Variants in TAFA2 observed in about 807,000 individuals in gnomAD.
TAFA2 encodes the protein chemokine-like protein TAFA-2.
In TAFA2, 7 loss-of-function variants were observed where a neutral mutation model predicts 18.8. That is an observed-to-expected ratio of 0.37 (90% confidence interval 0.21 to 0.70). The LOEUF is 0.70. Among genes scored for constraint, TAFA2 ranks in the 30% least tolerant of loss-of-function variants. TAFA2 has a pLI of 0.53. For synonymous variants in TAFA2, 60 were observed against 54.2 expected (o/e 1.11, Z -0.47); for missense variants, 122 against 158.1 (o/e 0.77, Z 1.23).
chr12:62,139,275 G>A (rs1011786339), intron 1 of TAFA2, among the ~76,000 whole-genome samples: 1 of 152,154 alleles, frequency 6.6e-6, no homozygotes, highest in Non-Finnish European at 1.5e-5. Flanking sequence ...CACAAACAGG[G>A]CTTCCAGCAG....
intron 1 of TAFA2, among the ~76,000 whole-genome samples, chr12:62,011,110 G>A (rs4763004): frequency 0.37 from 46,209 of 123,256 alleles, 10,571 homozygotes; most frequent in Non-Finnish European, 0.43. Flanking sequence ...GCCACCCATC[G>A]TCTGGGATGT....
At chr12:61,770,221 C>G (rs980707707) in intron 2 of TAFA2, among the ~76,000 whole-genome samples, 1 of 151,984 alleles carries the variant, frequency 6.6e-6, no homozygotes. Context: ...ATTAATAAAG[C>G]CTCCAAGAAG....
In TAFA2 at chr12:61,783,686, A is replaced by G. The variant is rs969228326; in HGVS notation, c.107-28662T>C. On this transcript the variant is annotated intron_variant, in intron 2 of 4. Transcript: ENST00000416284. The stretch of plus-strand genomic sequence containing the variant: ...AGAAAACCTGCCCTTTATACAGGTG[A>G]GGCAATGGGTAGTTAGTATTTAAAA... Among the ~76,000 whole-genome samples, 3 of 151,724 alleles carry G rather than the reference A, an allele frequency of 2.0e-5. No individual in the cohort carries two copies. The East Asian group carries it at 5.9e-4, about 30-fold the overall frequency.
intron 1 of TAFA2, among the ~76,000 whole-genome samples, chr12:62,062,174 C>T (rs190973952): frequency 2.1e-4 from 32 of 150,212 alleles, no homozygotes; most frequent in African/African-American, 7.8e-4. Flanking sequence ...ACTCTCTCAA[C>T]AAAAAAAAAG....
intron 1 of TAFA2, among the ~76,000 whole-genome samples, chr12:62,177,841 T>C (rs1259139325): frequency 6.6e-6 from 1 of 151,334 alleles, no homozygotes; most frequent in African/African-American, 2.5e-5. Context: ...TTCCTTCTTT[T>C]CCACCTTTCT....
chr12:62,138,086 C>T (rs1367512460), intron 1 of TAFA2, among the ~76,000 whole-genome samples: 2 of 151,996 alleles, frequency 1.3e-5, no homozygotes, highest in East Asian at 1.9e-4. Context: ...CCTCAAATGC[C>T]GCCTCCTTTA....
In TAFA2 at chr12:62,202,960, G is replaced by T. The variant is rs543702968; in HGVS notation, c.-130+55803C>A. On this transcript the variant is annotated intron_variant, in intron 1 of 5. Coordinates refer to the TAFA2 transcript ENST00000551619. ...TCATACCTCAGCCTCCTTTGTAGCT[G>T]GGACTAAAGGCACATGCCAACATGC... 8.2e-4 allele frequency among the ~76,000 whole-genome samples: 124 copies of T among 151,092 alleles called. 1 individual carries two copies. The highest frequency in any genetic ancestry group is 2.6e-3 in the African/African-American group (107 of 41,210).
chr12:61,895,604 T>A (rs753154697), intron 1 of TAFA2, among the ~76,000 whole-genome samples: 6 of 152,140 alleles, frequency 3.9e-5, no homozygotes, highest in Non-Finnish European at 8.8e-5. Context: ...AAGAATAACG[T>A]CCATGCTTAC....
At chr12:61,823,009 T>A (rs1050767730) in intron 2 of TAFA2, among the ~76,000 whole-genome samples, 1 of 152,166 alleles carries the variant, frequency 6.6e-6, no homozygotes, top group African/African-American at 2.4e-5. Context: ...CAGAGTTTTA[T>A]CAAACATAGG....
chr12:61,941,555 C>T (rs1878014145), intron 1 of TAFA2, among the ~76,000 whole-genome samples: 1 of 152,162 alleles, frequency 6.6e-6, no homozygotes, highest in Non-Finnish European at 1.5e-5. Context: ...GTTCATCTCA[C>T]TAGGGAGTGC....
intron 1 of TAFA2, among the ~76,000 whole-genome samples, chr12:61,898,452 T>A (rs886131633): frequency 3.9e-5 from 6 of 152,190 alleles, no homozygotes; most frequent in Non-Finnish European, 7.3e-5. Context: ...CATCCAGGCA[T>A]TTCCATACAT....
At chr12:62,083,485 C>T (rs1307098491) in intron 1 of TAFA2, among the ~76,000 whole-genome samples, 1 of 151,996 alleles carries the variant, frequency 6.6e-6, no homozygotes, top group Non-Finnish European at 1.5e-5. Flanking sequence ...TTGGAAATGC[C>T]TCTATCCTTC....
chr12:61,898,398 G>T (rs531661525), intron 1 of TAFA2, among the ~76,000 whole-genome samples: 2 of 152,188 alleles, frequency 1.3e-5, no homozygotes, highest in African/African-American at 2.4e-5. Context: ...CCTAGCAGAG[G>T]TTCTCCATGA....
intron 1 of TAFA2, among the ~76,000 whole-genome samples, chr12:62,246,414 G>C (rs1380820887): frequency 1.3e-5 from 2 of 152,066 alleles, no homozygotes; most frequent in African/African-American, 4.8e-5. Flanking sequence ...GTTGAAATTT[G>C]CTTTATGATT....
At chr12:62,234,581 A>G (rs2062827044) in intron 1 of TAFA2, 7 of 822,824 alleles carry the variant, frequency 8.5e-6, no homozygotes, top group Non-Finnish European at 1.3e-5. Context: ...CGGAAGAAAG[A>G]CCATAAACAC....
intron 4 of TAFA2, among the ~76,000 whole-genome samples, chr12:61,747,068 G>T (rs1177764622): frequency 2.6e-5 from 4 of 152,068 alleles, no homozygotes; most frequent in Non-Finnish European, 5.9e-5. Flanking sequence ...GATATGAACA[G>T]ACACTTCTCA....
intron 1 of TAFA2, among the ~76,000 whole-genome samples, chr12:62,077,590 A>G (rs1868259151): frequency 6.6e-6 from 1 of 152,220 alleles, no homozygotes; most frequent in Non-Finnish European, 1.5e-5. Context: ...AACAGGTATT[A>G]TAAAGCATGC....
intron 2 of TAFA2, among the ~76,000 whole-genome samples, chr12:61,834,193 G>A (rs1048675228): frequency 2.0e-5 from 3 of 151,996 alleles, no homozygotes; most frequent in African/African-American, 7.2e-5. Context: ...TTTAGACATA[G>A]CTTCTGCCCC....
chr12:62,251,147 G>C (rs2062911699), intron 1 of TAFA2, among the ~76,000 whole-genome samples: 5 of 152,206 alleles, frequency 3.3e-5, no homozygotes, highest in Admixed American at 3.3e-4. Flanking sequence ...TGGGCAGCAG[G>C]TAGTCATGTA....
Sources: allele counts gnomAD v4.1 joint callset (sites outside exome capture counted in the v4.1 genomes callset), GRCh38; gene constraint gnomAD v4.1.1; transcripts MANE v1.5; gene names NCBI Gene and HGNC (gene_info 2026-07-23, HGNC 2026-07-21).